The following PRKDC variants were observed in gnomAD, a reference collection of about 807,000 sequenced individuals.
PRKDC encodes the protein DNA-dependent protein kinase catalytic subunit.
A neutral mutation model predicts 486.9 loss-of-function variants in PRKDC; 82 were observed. The observed-to-expected ratio is 0.17, with a 90% CI of 0.14 to 0.20. PRKDC has a LOEUF of 0.20. Among genes scored for constraint, PRKDC ranks in the 10% least tolerant of loss-of-function variants. PRKDC has a pLI of 1.00. For synonymous variants in PRKDC, 1,895 were observed against 1,837.0 expected, an observed-to-expected ratio of 1.03 and a Z score of -0.81; for missense variants, 4,504 against 5,038.2, an observed-to-expected ratio of 0.89 and a Z score of 3.21.
intron 10 of PRKDC, chr8:47,940,044 G>A (rs2090418140): frequency 6.2e-6 from 1 of 160,916 alleles, no homozygotes; most frequent in African/African-American, 2.4e-5. Context: ...GTCACCCACA[G>A]GGTGAAAGAG....
At position 47,861,477 on chromosome 8, in the gene PRKDC, T is replaced by C. The variant is rs8178130; in HGVS notation, c.5986-506A>G. The stretch of plus-strand genomic sequence containing the variant: ...GTACAAGGCAGGATCAGCATTCACA[T>C]GTAGTGGTGAAGCACTAAGACATGG... On this transcript the variant is annotated intron_variant, in intron 44 of 85. Coordinates refer to ENST00000314191, the MANE Select transcript of PRKDC (RefSeq NM_006904.7). 6.8e-3 allele frequency among the ~76,000 whole-genome samples: 1,029 copies of C among 152,328 alleles called. 9 individuals are homozygous for C. Among genetic ancestry groups the C allele is most frequent in the Non-Finnish European group, 0.01 (705 of 68,022 alleles).
At chr8:47,843,936 A>G (rs565256771) in intron 54 of PRKDC, among the ~76,000 whole-genome samples, 1 of 152,360 alleles carries the variant, frequency 6.6e-6, no homozygotes, top group Admixed American at 6.5e-5. Context: ...TGCTACCACA[A>G]AAACATACTT....
chr8:47,952,531 T>C (rs2090641713), intron 7 of PRKDC, among the ~76,000 whole-genome samples: 2 of 152,276 alleles, frequency 1.3e-5, no homozygotes, highest in South Asian at 4.1e-4. Context: ...GTTCAATACC[T>C]TGATTACAAT....
intron 21 of PRKDC, chr8:47,926,992 A>G: frequency 1.7e-6 from 1 of 573,574 alleles, no homozygotes; most frequent in Non-Finnish European, 2.9e-6. Context: ...TGAGTAAATG[A>G]AAAATTTTTT....
At chr8:47,882,149 A>G in intron 36 of PRKDC, 52 bp from the exon 37 acceptor site, 1 of 1,524,834 alleles carries the variant, frequency 6.6e-7, no homozygotes, top group Non-Finnish European at 8.9e-7. Flanking sequence ...TGAGAATGAC[A>G]GAAAACAAAA....
intron 62 of PRKDC, among the ~76,000 whole-genome samples, chr8:47,827,118 T>TCACACACA (rs61385951): frequency 1.4e-3 from 183 of 128,238 alleles, no homozygotes; most frequent in Non-Finnish European, 2.0e-3. Flanking sequence ...AATATGAAGA[T>TCACACACA]CACACACACA....
Position 47,782,380 on chromosome 8 carries a change from G to C in PRKDC, c.11394C>G (p.Ser3798=). 1 of 1,605,764 alleles carries C rather than the reference G, an allele frequency of 6.2e-7. No individual in the cohort carries two copies. The highest frequency in any genetic ancestry group is 1.7e-5 in the Admixed American group (1 of 58,648). The stretch of plus-strand genomic sequence containing the variant: ...GCTGGGAGCAGCCTGGCAGTTACCT[G>C]GAGGTCATGGGCACAACGCTATAGG... ...LRTYSVVPMT[S]RLGLIEWLEN... Residue 3798 remains serine, a splice_region_variant and synonymous_variant, in exon 79 of 86, where the codon TCC becomes TCG. Coordinates refer to ENST00000314191, the MANE Select transcript of PRKDC (RefSeq NM_006904.7). This position sits in a 1 kb window ranked among gnomAD's most constrained non-coding sequence, Gnocchi z 4.9.
rs1385394433 is a variant in PRKDC, at chr8:47,893,301, A to T, written c.3685T>A (p.Cys1229Ser). The change falls in exon 31 of 86, where the codon TGT (cysteine) becomes AGT (serine). Residue 1229 changes from cysteine (C) to serine (S), a missense_variant. By Grantham distance (112) the Cys-to-Ser change is moderately radical. Coordinates refer to ENST00000314191, the MANE Select transcript of PRKDC (RefSeq NM_006904.7). ...GCCAGGATGCCCGAGGGCTGGCCAC[A>T]GCCACCCCCCTCAAAGGTGTTGATG... The part of the protein sequence containing the change: ...FLINTFEGGG[C>S]GQPSGILAQP... 1 of 1,608,722 alleles carries T rather than the reference A, an allele frequency of 6.2e-7. No individual in the cohort carries two copies. Among genetic ancestry groups the T allele is most frequent in the East Asian group, 2.2e-5 (1 of 44,720 alleles).
intron 54 of PRKDC, among the ~76,000 whole-genome samples, chr8:47,847,112 T>C (rs934493537): frequency 5.3e-5 from 8 of 152,186 alleles, no homozygotes; most frequent in African/African-American, 1.7e-4. Flanking sequence ...AAACTACCTA[T>C]GTCACTTTTC....
At chr8:47,840,221 T>G (rs1190110057) in intron 54 of PRKDC, 32 bp from the exon 55 acceptor site, 1 of 1,531,362 alleles carries the variant, frequency 6.5e-7, no homozygotes, top group African/African-American at 1.4e-5. Flanking sequence ...CACACAAATT[T>G]AGCTATTTTT....
chr8:47,885,598 A>G (rs1185644871), intron 36 of PRKDC, among the ~76,000 whole-genome samples: 2 of 152,262 alleles, frequency 1.3e-5, no homozygotes, highest in East Asian at 3.9e-4. Context: ...TAAGGATTAT[A>G]TAAGAAAATA....
At chr8:47,817,322 C>G (rs537592407) in intron 68 of PRKDC, 128 bp downstream of exon 68, 2 of 660,378 alleles carry the variant, frequency 3.0e-6, no homozygotes, top group South Asian at 4.3e-5. Context: ...ACATGGGAAA[C>G]AGGAAGGATG....
Position 47,953,730 on chromosome 8 carries a change from A to AT in PRKDC, c.622-12_622-11insA. The AT allele has an allele frequency of 6.2e-7, 1 of 1,602,030 alleles. No homozygotes were observed. Among genetic ancestry groups the AT allele is most frequent in the Non-Finnish European group, 8.5e-7 (1 of 1,173,486 alleles). ...TACTGCTGATGTCATCTAAAAGAAA[A>AT]GATTTAAGAAGATGTCATTACAAGA... On this transcript the variant is annotated splice_polypyrimidine_tract_variant and intron_variant, in intron 6 of 85. Coordinates refer to ENST00000314191, the MANE Select transcript of PRKDC (RefSeq NM_006904.7).
At chr8:47,921,632 C>T (rs1589794236) in intron 21 of PRKDC, among the ~76,000 whole-genome samples, 1 of 152,274 alleles carries the variant, frequency 6.6e-6, no homozygotes, top group African/African-American at 2.4e-5. Flanking sequence ...TATCTGTGAG[C>T]TCCATGAGTC....
chr8:47,938,039 T>C (rs903884221), intron 11 of PRKDC, among the ~76,000 whole-genome samples: 2 of 152,062 alleles, frequency 1.3e-5, no homozygotes, highest in Non-Finnish European at 1.5e-5. Flanking sequence ...TGCTTAGCCC[T>C]AGAGGTCAGG....
intron 35 of PRKDC, among the ~76,000 whole-genome samples, chr8:47,886,481 C>A (rs1397364338): frequency 6.6e-6 from 1 of 151,714 alleles, no homozygotes; most frequent in African/African-American, 2.4e-5. Context: ...ACCTCCACCT[C>A]CTAGGTTCAA....
chr8:47,952,823 G>A (rs953402484), intron 7 of PRKDC, among the ~76,000 whole-genome samples: 2 of 151,730 alleles, frequency 1.3e-5, no homozygotes, highest in African/African-American at 4.8e-5. Context: ...GGCCAACATG[G>A]TGAAACCCCA....
chr8:47,923,454 C>A (rs2090106670), intron 21 of PRKDC, among the ~76,000 whole-genome samples: 1 of 152,194 alleles, frequency 6.6e-6, no homozygotes, highest in Non-Finnish European at 1.5e-5. Flanking sequence ...AAAGGAGATT[C>A]AGGCCATGTG....
chr8:47,828,424 G>A (rs2087787391), intron 61 of PRKDC, 77 bp from the exon 62 acceptor site: 1 of 1,236,186 alleles, frequency 8.1e-7, no homozygotes, highest in Non-Finnish European at 1.1e-6. Flanking sequence ...ATCAGAGCTT[G>A]GAAAATACAA....
Sources: allele counts gnomAD v4.1 joint callset (sites outside exome capture counted in the v4.1 genomes callset), GRCh38; gene constraint gnomAD v4.1.1; non-coding constraint Gnocchi (gnomAD v3.1); transcripts MANE v1.5; gene names NCBI Gene and HGNC (gene_info 2026-07-23, HGNC 2026-07-21).